The following SYT14 variants were observed in gnomAD, a reference collection of about 807,000 sequenced individuals.
SYT14 encodes the protein synaptotagmin-14.
Under a neutral mutation model 74.2 loss-of-function variants are expected in SYT14, and 32 were observed. The ratio of observed to expected loss-of-function variants is 0.43; its 90% CI spans 0.33 to 0.58. SYT14 has a LOEUF of 0.58. Among genes scored for constraint, SYT14 ranks in the 20% least tolerant of loss-of-function variants. SYT14 has a pLI of 0.05. For missense variants in SYT14, 791 were observed against 981.8 expected, an observed-to-expected ratio of 0.81 and a Z score of 2.60; for synonymous variants, 298 against 337.7, an observed-to-expected ratio of 0.88 and a Z score of 1.29.
intron 5 of SYT14, among the ~76,000 whole-genome samples, chr1:210,028,591 T>C (rs747937606): frequency 3.9e-5 from 6 of 152,206 alleles, no homozygotes; most frequent in Non-Finnish European, 7.3e-5. Flanking sequence ...TGTTACAGCA[T>C]GTATCAGAAT....
intron 5 of SYT14, 111 bp from the exon 5 acceptor site, chr1:210,094,211 G>T: frequency 1.4e-6 from 2 of 1,398,354 alleles, no homozygotes; most frequent in Admixed American, 3.6e-5. Context: ...TAATAGTTAT[G>T]TTGCCATCAA....
chr1:210,099,714 G>A (rs73072287), intron 6 of SYT14, among the ~76,000 whole-genome samples: 1 of 152,102 alleles, frequency 6.6e-6, no homozygotes, highest in East Asian at 1.9e-4. Context: ...CCCACTAAAG[G>A]ATATATTTTA....
At chr1:210,136,214 A>G (rs2082781975) in intron 7 of SYT14, among the ~76,000 whole-genome samples, 1 of 152,088 alleles carries the variant, frequency 6.6e-6, no homozygotes, top group Admixed American at 6.6e-5. Context: ...GAAAGTTTGT[A>G]GATATTTTCA....
At chr1:210,145,606 G>A (rs961095166) in intron 7 of SYT14, among the ~76,000 whole-genome samples, 3 of 152,178 alleles carry the variant, frequency 2.0e-5, no homozygotes, top group African/African-American at 7.2e-5. Flanking sequence ...AGGACAGAAA[G>A]TCTCTAATAG....
At chr1:210,071,713 A>G (rs1229937739) in intron 5 of SYT14, among the ~76,000 whole-genome samples, 1 of 152,064 alleles carries the variant, frequency 6.6e-6, no homozygotes, top group African/African-American at 2.4e-5. Context: ...TTTGGTTGCT[A>G]CACTAAGAAA....
intron 8 of SYT14, 118 bp downstream of exon 7, chr1:210,156,028 T>C (rs761548951): frequency 2.2e-6 from 2 of 924,116 alleles, no homozygotes; most frequent in Non-Finnish European, 3.4e-6. Context: ...GGTGTAATCA[T>C]CAGCTAATCT....
chr1:209,982,050 C>G (rs1053378397), intron 2 of SYT14, among the ~76,000 whole-genome samples: 4 of 151,908 alleles, frequency 2.6e-5, no homozygotes, highest in African/African-American at 9.7e-5. Context: ...TTGCATTATT[C>G]CCTCAGTTAT....
At chr1:210,092,539 T>C (rs1426111843) in intron 5 of SYT14, among the ~76,000 whole-genome samples, 1 of 152,172 alleles carries the variant, frequency 6.6e-6, no homozygotes, top group East Asian at 1.9e-4. Flanking sequence ...CAGCCACACA[T>C]ACTTACCTAC....
chr1:210,166,647 A>C (rs2102742025), exon 10 of SYT14: 2 of 152,122 alleles, frequency 1.3e-5, no homozygotes, highest in East Asian at 3.9e-4. Context: ...ATGAAGGAGA[A>C]GGGAAAGAAG....
At chr1:209,973,536 T>A (rs1249422124) in intron 2 of SYT14, among the ~76,000 whole-genome samples, 1 of 152,222 alleles carries the variant, frequency 6.6e-6, no homozygotes, top group Non-Finnish European at 1.5e-5. Flanking sequence ...ACAAAGGACA[T>A]GAACTCATCA....
chr1:210,021,111 A>T (rs138874320), exon 5 of SYT14: 1 of 1,614,014 alleles, frequency 6.2e-7, no homozygotes, highest in Non-Finnish European at 8.5e-7. Context: ...GGTAAATATC[A>T]TGAGGCCTTA....
intron 7 of SYT14, among the ~76,000 whole-genome samples, chr1:210,152,015 C>T (rs1412430215): frequency 6.6e-6 from 1 of 152,180 alleles, no homozygotes; most frequent in Non-Finnish European, 1.5e-5. Context: ...TCACAATATT[C>T]TAACAGATGC....
At chr1:210,170,949 T>G (rs991604695) in exon 10 of SYT14, 1 of 152,154 alleles carries the variant, frequency 6.6e-6, no homozygotes, top group Non-Finnish European at 1.5e-5. Flanking sequence ...AATCACAAAT[T>G]AAACTAAATA....
chr1:210,022,175 T>C (rs1036401217), intron 5 of SYT14, among the ~76,000 whole-genome samples: 5 of 152,216 alleles, frequency 3.3e-5, no homozygotes, highest in Non-Finnish European at 7.3e-5. Context: ...CCTATTACTA[T>C]TGATGACTTA....
In SYT14 at chr1:210,059,399, T is replaced by TAC. The variant is rs1258465745; in HGVS notation, c.1313-34922_1313-34921dup. The stretch of plus-strand genomic sequence containing the variant: ...ACCTGAGTAAGATAAATTATATATA[T>TAC]ACCTGTATATGCATGATGACAAGAA... On this transcript the variant is annotated intron_variant, in intron 5 of 9. Transcript: ENST00000637265. Among the ~76,000 whole-genome samples the TAC allele has an allele frequency of 2.5e-4, 36 of 146,826 alleles. No homozygotes were observed. In the East Asian group the frequency reaches 6.5e-3, roughly 27 times the overall value.
At chr1:210,015,133 G>C (rs2080157694) in intron 3 of SYT14, among the ~76,000 whole-genome samples, 1 of 152,146 alleles carries the variant, frequency 6.6e-6, no homozygotes, top group East Asian at 1.9e-4. Context: ...AAAGTGGTGA[G>C]AAGAGTGATT....
chr1:210,163,292 G>A (rs1251464402), exon 10 of SYT14: 1 of 453,670 alleles, frequency 2.2e-6, no homozygotes, highest in Non-Finnish European at 4.4e-6. Flanking sequence ...AGAATTGTGT[G>A]TGTGATTTGA....
intron 7 of SYT14, among the ~76,000 whole-genome samples, chr1:210,104,695 A>G (rs2082127639): frequency 1.3e-5 from 2 of 152,098 alleles, no homozygotes; most frequent in African/African-American, 4.8e-5. Flanking sequence ...AGCTTATTAG[A>G]TTTGTTAATA....
rs1315662777 is a variant in SYT14 at position 209,968,510 on chromosome 1, A to G, written c.-486+15754A>G. 3.9e-5 allele frequency among the ~76,000 whole-genome samples: 6 copies of G among 151,952 alleles called. 1 individual carries two copies. The highest frequency in any genetic ancestry group is 5.9e-5 in the Non-Finnish European group (4 of 67,958). On this transcript the variant is annotated intron_variant, in intron 2 of 9. Coordinates refer to ENST00000637265, the Ensembl canonical transcript of SYT14. ...TTTCATCATATGGAGTAGTTTCATC[A>G]TATCATATGGAGTATGCTCCGCATA...
Sources: allele counts gnomAD v4.1 joint callset (sites outside exome capture counted in the v4.1 genomes callset), GRCh38; gene constraint gnomAD v4.1.1; transcripts MANE v1.5; gene names NCBI Gene and HGNC (gene_info 2026-07-23, HGNC 2026-07-21).